The following HECW2 variants were observed in gnomAD, a reference collection of about 807,000 sequenced individuals.
HECW2 encodes the protein HECT, C2 and WW domain containing E3 ubiquitin protein ligase 2.
HECW2 carries 61 observed loss-of-function variants against 175.2 expected under a neutral mutation model. The observed-to-expected ratio is 0.35, with a 90% CI of 0.28 to 0.43. The LOEUF (loss-of-function observed/expected upper bound fraction) is 0.43. Among genes scored for constraint, HECW2 ranks in the 20% least tolerant of loss-of-function variants. HECW2 has a pLI of 1.00. For synonymous variants in HECW2, 671 were observed against 731.0 expected, an observed-to-expected ratio of 0.92 and a Z score of 1.32; for missense variants, 1,524 against 2,000.5, an observed-to-expected ratio of 0.76 and a Z score of 4.54.
intron 2 of HECW2, among the ~76,000 whole-genome samples, chr2:196,345,983 T>C (rs1026128077): frequency 6.6e-5 from 10 of 152,212 alleles, no homozygotes; most frequent in African/African-American, 2.2e-4. Flanking sequence ...AGATAGAGGG[T>C]GTCCACCTAT....
At chr2:196,302,228 T>C (rs1435136013) in intron 13 of HECW2, among the ~76,000 whole-genome samples, 3 of 152,226 alleles carry the variant, frequency 2.0e-5, no homozygotes. Flanking sequence ...GAGTTTTCTA[T>C]TCTGTTCCAT....
chr2:196,542,895 T>A (rs930732562), intron 1 of HECW2, among the ~76,000 whole-genome samples: 1 of 148,386 alleles, frequency 6.7e-6, no homozygotes, highest in Non-Finnish European at 1.5e-5. Flanking sequence ...TATAGGTATA[T>A]CTAATATATG....
chr2:196,295,200 T>C (rs1331288946), intron 13 of HECW2, among the ~76,000 whole-genome samples: 1 of 152,154 alleles, frequency 6.6e-6, no homozygotes, highest in Admixed American at 6.5e-5. Context: ...CAGGCAGGCC[T>C]ATGCATGGGC....
Position 196,256,010 on chromosome 2 carries a change from T to C in HECW2, c.3419+1813A>G, listed in dbSNP as rs563094779. ...ATTACTTGAACTCAGAGGGTGGAGG[T>C]TGCAATGAGATGAGATCTCACCACT... is the stretch of plus-strand genomic sequence containing the variant. On this transcript the variant is annotated intron_variant, in intron 18 of 28. Coordinates refer to ENST00000644978, the MANE Select transcript of HECW2 (RefSeq NM_001348768.2). Among the ~76,000 whole-genome samples the C allele has an allele frequency of 1.6e-4, 25 of 151,882 alleles. No individual in the cohort carries two copies. In the South Asian group the frequency reaches 5.0e-3, roughly 30 times the overall value.
chr2:196,432,824 A>G (rs184779146), intron 2 of HECW2, among the ~76,000 whole-genome samples: 1 of 152,348 alleles, frequency 6.6e-6, no homozygotes, highest in East Asian at 1.9e-4. Context: ...CTGCTGATCA[A>G]GAGAAAGGTG....
At chr2:196,418,301 T>G (rs1695312016) in intron 2 of HECW2, among the ~76,000 whole-genome samples, 1 of 152,088 alleles carries the variant, frequency 6.6e-6, no homozygotes, top group Admixed American at 6.5e-5. Flanking sequence ...GCTAATTTTT[T>G]GTATTTTTAG....
intron 1 of HECW2, among the ~76,000 whole-genome samples, chr2:196,469,193 A>T (rs1379323550): frequency 6.6e-6 from 1 of 151,870 alleles, no homozygotes; most frequent in Admixed American, 6.6e-5. Context: ...AAGGAAGAAT[A>T]ATATAAGAGG....
At position 196,395,393 on chromosome 2, in the gene HECW2, C is replaced by T. The variant is rs538044996; in HGVS notation, c.292+37739G>A. 1.4e-4 allele frequency among the ~76,000 whole-genome samples: 22 copies of T among 152,064 alleles called. 1 individual carries two copies. The South Asian group carries it at 4.2e-3, about 29-fold the overall frequency. On this transcript the variant is annotated intron_variant, in intron 2 of 28. Transcript: ENST00000644978. The stretch of plus-strand genomic sequence containing the variant: ...ATCAAAATTTAAAACTCTTGTACAT[C>T]AAAAAACACTATCGACAGAATGGAA...
In HECW2 at chr2:196,325,088, C is replaced by T. The variant is rs1379249047; in HGVS notation, c.633G>A (p.Met211Ile). 1.2e-6 allele frequency: 2 copies of T among 1,612,722 alleles called. No homozygotes were observed. The highest frequency in any genetic ancestry group is 1.7e-6 in the Non-Finnish European group (2 of 1,179,486). ...MFFNPDPYLKMSIQPGKKSSF... is the reference protein window; with the variant it reads ...MFFNPDPYLKISIQPGKKSSF... ...TGCTCTTCTTTCCTGGCTGAATTGA[C>T]ATCTTAAGATAAGGGTCAGGATTGA... Residue 211 changes from methionine (M) to isoleucine (I), a missense_variant, in exon 6 of 29, where the codon ATG (methionine) becomes ATA (isoleucine). Physicochemically the swap from Met to Ile is conservative, Grantham distance 10. Transcript: ENST00000644978.
rs146735662 is a variant in HECW2, at chr2:196,209,548, G to A, written c.4607+6317C>T. ...GGGCAGAGGGGAAAGGAGTTGAAGA[G>A]AGTCTTGGACCTGAGGTTCAACTAC... On this transcript the variant is annotated intron_variant, in intron 28 of 28. Transcript: ENST00000644978. Among the ~76,000 whole-genome samples the A allele has an allele frequency of 4.7e-3, 721 of 152,284 alleles. 2 individuals are homozygous for A. Among genetic ancestry groups the A allele is most frequent in the Admixed American group, 8.0e-3 (123 of 15,300 alleles).
At chr2:196,320,284 G>T in intron 8 of HECW2, 55 bp downstream of exon 8, 2 of 1,045,732 alleles carry the variant, frequency 1.9e-6, no homozygotes, top group Middle Eastern at 2.9e-4. Flanking sequence ...ATCGAGTTAG[G>T]TTTAACAAGT....
intron 2 of HECW2, among the ~76,000 whole-genome samples, chr2:196,394,743 T>C (rs1694613169): frequency 6.6e-6 from 1 of 152,238 alleles, no homozygotes; most frequent in Non-Finnish European, 1.5e-5. Flanking sequence ...TGCCATTCAT[T>C]GGGAAAAGGA....
chr2:196,384,300 G>T (rs189276766), intron 2 of HECW2, among the ~76,000 whole-genome samples: 2 of 152,198 alleles, frequency 1.3e-5, no homozygotes, highest in African/African-American at 4.8e-5. Context: ...ATTCTTTTAG[G>T]CTGAGCACGG....
chr2:196,521,046 G>A (rs1429871787), intron 1 of HECW2, among the ~76,000 whole-genome samples: 2 of 152,078 alleles, frequency 1.3e-5, no homozygotes, highest in Non-Finnish European at 2.9e-5. Flanking sequence ...TTCAGATCAG[G>A]AGAAAAGCAT....
intron 20 of HECW2, among the ~76,000 whole-genome samples, chr2:196,241,674 T>C (rs1480103381): frequency 2.0e-5 from 3 of 152,210 alleles, no homozygotes; most frequent in Non-Finnish European, 4.4e-5. Flanking sequence ...GCTGTGAAGT[T>C]TGTTTCACAG....
chr2:196,525,437 C>T (rs1489303622), intron 1 of HECW2, among the ~76,000 whole-genome samples: 1 of 149,374 alleles, frequency 6.7e-6, no homozygotes, highest in Non-Finnish European at 1.5e-5. Flanking sequence ...ATCCAATTTG[C>T]CAGTCTGTGT....
intron 9 of HECW2, among the ~76,000 whole-genome samples, chr2:196,318,341 G>A (rs532094407): frequency 6.6e-6 from 1 of 152,314 alleles, no homozygotes; most frequent in South Asian, 2.1e-4. Flanking sequence ...TCTAGAGGAA[G>A]GGTTTCAGCT....
rs943005751 is a variant in HECW2, at chr2:196,322,692, T to C, written c.742-72A>G. 9.7e-6 allele frequency: 13 copies of C among 1,338,612 alleles called. No individual in the cohort carries two copies. In the African/African-American group the frequency reaches 1.2e-4, roughly 12 times the overall value. The allele number at this position is 1,338,612 out of a possible 1,614,324, so 82.9% of individuals were successfully genotyped here. A position where few individuals can be genotyped will look rare whatever the true frequency, so the allele number is the denominator to read the frequency against. ...ATGATACTATATCATTTTATTTGTA[T>C]AGGAAATGGTATCTCTTAAATTCTA... On this transcript the variant is annotated intron_variant, in intron 6 of 28. Coordinates refer to ENST00000644978, the MANE Select transcript of HECW2 (RefSeq NM_001348768.2).
chr2:196,514,360 C>T (rs1688068016), intron 1 of HECW2, among the ~76,000 whole-genome samples: 1 of 152,184 alleles, frequency 6.6e-6, no homozygotes, highest in South Asian at 2.1e-4. Flanking sequence ...GAGGAGACCA[C>T]AGTGGGGCTG....
Sources: gnomAD v4.1 joint callset for allele counts (sites outside exome capture counted in the v4.1 genomes callset) on GRCh38, gnomAD v4.1.1 for gene constraint, MANE v1.5 for transcripts, NCBI Gene and HGNC (gene_info 2026-07-23, HGNC 2026-07-21) for gene names.